Variants in INSIG2 observed in about 807,000 individuals in gnomAD.
INSIG2 encodes insulin induced gene 2, also known as insulin-induced gene 2 protein.
INSIG2 carries 10 observed loss-of-function variants against 27.2 expected under a neutral mutation model. The ratio of observed to expected loss-of-function variants is 0.37; its 90% CI spans 0.23 to 0.62. The LOEUF (loss-of-function observed/expected upper bound fraction) is 0.62. INSIG2 is among the 20% of genes least tolerant of loss of function. The pLI is 0.65. For synonymous variants in INSIG2, 97 were observed against 95.8 expected (o/e 1.01, Z -0.07); for missense variants, 178 against 270.2 (o/e 0.66, Z 2.39).
chr2:118,105,461 TTTACA>T (rs1320760548), intron 3 of INSIG2, among the ~76,000 whole-genome samples: 1 of 152,226 alleles, frequency 6.6e-6, no homozygotes, highest in Non-Finnish European at 1.5e-5. Context: ...AATTCCACTC[TTTACA>T]TGAGTGTTTA....
rs1223089450 is a variant in INSIG2 at position 118,096,753 on chromosome 2, T to C, written c.197T>C (p.Ile66Thr). 1 of 1,614,020 alleles carries C rather than the reference T, an allele frequency of 6.2e-7. No individual in the cohort carries two copies. Among genetic ancestry groups the C allele is most frequent in the Non-Finnish European group, 8.5e-7 (1 of 1,180,004 alleles). Residue 66 changes from isoleucine (I) to threonine (T), a missense_variant, in exon 2 of 6, where the codon ATC becomes ACC. Coordinates refer to ENST00000245787, the MANE Select transcript of INSIG2 (RefSeq NM_016133.4). Reference protein sequence around the residue: ...TLFPPDVIASIFSSAWWVPPC... With the variant: ...TLFPPDVIASTFSSAWWVPPC... Reference sequence around the variant, plus strand: ...TTTCCACCTGATGTGATTGCAAGCATCTTTTCTTCTGCATGGTGGGTACCC... The same window carrying C: ...TTTCCACCTGATGTGATTGCAAGCACCTTTTCTTCTGCATGGTGGGTACCC...
chr2:118,097,501 TC>T (rs1374275763), intron 2 of INSIG2, among the ~76,000 whole-genome samples: 3 of 152,244 alleles, frequency 2.0e-5, no homozygotes, highest in Non-Finnish European at 4.4e-5. Flanking sequence ...AGGTAGACTC[TC>T]TTTGCTTAAA....
At chr2:118,103,431 T>C in intron 3 of INSIG2, 110 bp downstream of exon 3, 1 of 873,772 alleles carries the variant, frequency 1.1e-6, no homozygotes, top group Non-Finnish European at 1.7e-6. Flanking sequence ...TATGCCCACT[T>C]AGTCAGAAGA....
At position 118,090,652 on chromosome 2, in the gene INSIG2, G is replaced by C. The variant is rs182795244; in HGVS notation, c.-139+2111G>C. 1.7e-3 allele frequency among the ~76,000 whole-genome samples: 253 copies of C among 152,260 alleles called. 1 individual carries two copies. The highest frequency in any genetic ancestry group is 5.4e-3 in the Admixed American group (82 of 15,306). ...AGCGTAGAATTTTTCAAGTCTGGTGGAAAGTTTTTCTTTGTGAATTGTTGA... is the reference window on the plus strand; with the variant it reads ...AGCGTAGAATTTTTCAAGTCTGGTGCAAAGTTTTTCTTTGTGAATTGTTGA... On this transcript the variant is annotated intron_variant, in intron 1 of 5. Coordinates refer to ENST00000245787, the MANE Select transcript of INSIG2 (RefSeq NM_016133.4).
At chr2:118,101,980 G>A (rs10490625) in intron 2 of INSIG2, among the ~76,000 whole-genome samples, 9,746 of 152,240 alleles carry the variant, frequency 0.064, 432 homozygotes, top group Admixed American at 0.089. Flanking sequence ...CTGCTAGGCT[G>A]TGATTTTTGA....
intron 2 of INSIG2, among the ~76,000 whole-genome samples, chr2:118,100,157 G>A (rs1047239324): frequency 1.3e-4 from 20 of 151,916 alleles, no homozygotes; most frequent in Admixed American, 6.6e-5. Context: ...CCTTTAATGA[G>A]AGCACTATTT....
intron 1 of INSIG2, among the ~76,000 whole-genome samples, chr2:118,090,617 G>A (rs966944702): frequency 1.3e-5 from 2 of 151,936 alleles, no homozygotes; most frequent in East Asian, 3.9e-4. Context: ...GAAATTTTAG[G>A]CCAGGGCTCA....
intron 3 of INSIG2, among the ~76,000 whole-genome samples, chr2:118,106,165 G>GA (rs1254488538): frequency 1.3e-5 from 2 of 152,196 alleles, no homozygotes. Context: ...TGACATAATA[G>GA]AAAGGGATAC....
In INSIG2 at chr2:118,107,198, A is replaced by T; in HGVS notation, c.636+9A>T. The stretch of plus-strand genomic sequence containing the variant: ...GTCGACAACTGGCAATGGTAAGCTG[A>T]TGCTCACTTTTCTGAATAAGATGTG... On this transcript the variant is annotated intron_variant, in intron 5 of 5. Coordinates refer to ENST00000245787, the MANE Select transcript of INSIG2 (RefSeq NM_016133.4). 1.3e-6 allele frequency: 2 copies of T among 1,578,648 alleles called. No homozygotes were observed. The highest frequency in any genetic ancestry group is 1.7e-6 in the Non-Finnish European group (2 of 1,148,466).
chr2:118,102,549 TTG>T (rs1426943571), intron 2 of INSIG2: 2 of 152,256 alleles, frequency 1.3e-5, no homozygotes, highest in East Asian at 3.8e-4. Flanking sequence ...TAGATTTCTG[TTG>T]TGAGTTTTCC....
rs1157369796 is a variant in INSIG2 at position 118,109,638 on chromosome 2, T to A, written c.*1316T>A. 2 of 152,380 alleles carry A rather than the reference T, an allele frequency of 1.3e-5. No homozygotes were observed. Among genetic ancestry groups the A allele is most frequent in the Non-Finnish European group, 2.9e-5 (2 of 67,994 alleles). 9.4% of individuals were successfully genotyped at this position (152,380 alleles called of 1,614,324 possible). On this transcript the variant is annotated 3_prime_UTR_variant, in exon 6 of 6. Coordinates refer to ENST00000245787, the MANE Select transcript of INSIG2 (RefSeq NM_016133.4). ...GTGTGTGTTGGAGTGAGTGAGAGAA[T>A]GTGTCTGTGCATGTGGCCATGCTTT... is the stretch of plus-strand genomic sequence containing the variant.
intron 1 of INSIG2, among the ~76,000 whole-genome samples, chr2:118,095,386 T>G (rs1678382182): frequency 6.6e-6 from 1 of 152,228 alleles, no homozygotes; most frequent in Non-Finnish European, 1.5e-5. Context: ...GAATCCCAGC[T>G]TGGCCTCTTA....
At chr2:118,092,444 C>T (rs1678277310) in intron 1 of INSIG2, among the ~76,000 whole-genome samples, 1 of 152,118 alleles carries the variant, frequency 6.6e-6, no homozygotes. Context: ...TTTTGGCTTA[C>T]TATCTGAGAG....
chr2:118,106,387 G>A (rs1678673446), intron 3 of INSIG2, among the ~76,000 whole-genome samples: 1 of 152,198 alleles, frequency 6.6e-6, no homozygotes, highest in Admixed American at 6.5e-5. Flanking sequence ...CTTGTGTTCT[G>A]AGGCTTCCAG....
intron 1 of INSIG2, among the ~76,000 whole-genome samples, chr2:118,092,364 T>C (rs748963918): frequency 1.3e-5 from 2 of 152,212 alleles, no homozygotes; most frequent in African/African-American, 4.8e-5. Context: ...CTAGTACTAT[T>C]AAAGAAAATT....
chr2:118,100,409 C>G (rs1446284718), intron 2 of INSIG2, among the ~76,000 whole-genome samples: 1 of 112,172 alleles, frequency 8.9e-6, no homozygotes. Flanking sequence ...GACGGAGTCT[C>G]ACTCCGTCAC....
At chr2:118,108,253 T>A in intron 5 of INSIG2, 28 bp from the exon 6 acceptor site, 2 of 1,530,044 alleles carry the variant, frequency 1.3e-6, no homozygotes, top group Non-Finnish European at 1.8e-6. Flanking sequence ...CTTAATCTGT[T>A]AACCTTTTAA....
chr2:118,104,146 T>C (rs1678617481), intron 3 of INSIG2, among the ~76,000 whole-genome samples: 1 of 152,104 alleles, frequency 6.6e-6, no homozygotes, highest in Admixed American at 6.6e-5. Context: ...GCAGGAGCCT[T>C]GGGTACTTGG....
Position 118,107,165 on chromosome 2 carries a change from A to G in INSIG2, c.612A>G (p.Gly204=), listed in dbSNP as rs779505328. ...TTTTTGCTGGAGGCATAACAATGGG[A>G]AACATTGGTCGACAACTGGCAATGG... The part of the protein sequence containing the change: ...CIFFAGGITM[G]NIGRQLAMYE... The change falls in exon 5 of 6, where the codon GGA becomes GGG. Residue 204 remains glycine, a synonymous_variant. Transcript: ENST00000245787. 2.5e-6 allele frequency: 4 copies of G among 1,612,728 alleles called. No individual in the cohort carries two copies. The South Asian group carries it at 4.4e-5, about 18-fold the overall frequency.
Sources: allele counts gnomAD v4.1 joint callset (sites outside exome capture counted in the v4.1 genomes callset), GRCh38; gene constraint gnomAD v4.1.1; transcripts MANE v1.5; gene names NCBI Gene and HGNC (gene_info 2026-07-23, HGNC 2026-07-21).